The following ATP6V0A1 variants were observed in gnomAD, a reference collection of about 807,000 sequenced individuals.
ATP6V0A1 encodes the protein ATPase H+ transporting V0 subunit a1, also known as V-type proton ATPase 116 kDa subunit a 1.
A neutral mutation model predicts 105.4 loss-of-function variants in ATP6V0A1; 43 were observed. The observed-to-expected ratio is 0.41, with a 90% CI of 0.32 to 0.53. The LOEUF (loss-of-function observed/expected upper bound fraction) is 0.53. Among genes scored for constraint, ATP6V0A1 ranks in the 20% least tolerant of loss-of-function variants. ATP6V0A1 has a pLI of 0.30. For missense variants in ATP6V0A1, 676 were observed against 1,051.1 expected, an observed-to-expected ratio of 0.64 and a Z score of 4.93; for synonymous variants, 362 against 372.8, an observed-to-expected ratio of 0.97 and a Z score of 0.33.
chr17:42,505,585 G>A (rs556253067), intron 17 of ATP6V0A1, among the ~76,000 whole-genome samples: 3 of 152,002 alleles, frequency 2.0e-5, no homozygotes, highest in South Asian at 2.1e-4. Flanking sequence ...TGATCTGCCC[G>A]CTGTGGCCTC....
intron 10 of ATP6V0A1, 77 bp from the exon 11 acceptor site, chr17:42,490,410 A>T: frequency 7.5e-7 from 1 of 1,328,000 alleles, no homozygotes; most frequent in Non-Finnish European, 1.0e-6. Flanking sequence ...ATGAGTTTCA[A>T]GAAATGTACA....
rs760921231 is a variant in ATP6V0A1, at chr17:42,487,236, C to T, written c.892C>T (p.Arg298Trp). 7 of 1,614,162 alleles carry T rather than the reference C, an allele frequency of 4.3e-6. No individual in the cohort carries two copies. Among genetic ancestry groups the T allele is most frequent in the East Asian group, 2.2e-5 (1 of 44,890 alleles). ...CATCCGTGTCTGGTTCATCAAAGTGCGGAAGATGAAGGCCATCTATCACAC... is the reference window on the plus strand; with the variant it reads ...CATCCGTGTCTGGTTCATCAAAGTGTGGAAGATGAAGGCCATCTATCACAC... ...KNIRVWFIKV[R>W]KMKAIYHTLN... The change falls in exon 10 of 22, where the codon CGG (arginine) becomes TGG (tryptophan). Residue 298 changes from arginine (R) to tryptophan (W), a missense_variant. Around this residue, in one of 3 missense-constraint regions of ATP6V0A1, gnomAD observed 239 missense variants for 388.4 expected, o/e 0.62. Coordinates refer to ENST00000343619, the MANE Select transcript of ATP6V0A1 (RefSeq NM_001130021.3).
intron 19 of ATP6V0A1, chr17:42,510,750 C>A (rs1029159028): frequency 4.6e-5 from 7 of 152,202 alleles, no homozygotes; most frequent in African/African-American, 1.7e-4. Flanking sequence ...CATTGAAATA[C>A]CCCCAGTGGC....
chr17:42,477,868 T>A (rs1357905687), intron 6 of ATP6V0A1, 126 bp downstream of exon 6: 2 of 743,932 alleles, frequency 2.7e-6, no homozygotes, highest in Non-Finnish European at 4.3e-6. Flanking sequence ...ATTGAGATAG[T>A]CCTACAACTC....
intron 13 of ATP6V0A1, 117 bp downstream of exon 13, chr17:42,495,305 C>T (rs2091048825): frequency 9.4e-7 from 1 of 1,062,272 alleles, no homozygotes; most frequent in Non-Finnish European, 1.4e-6. Flanking sequence ...TCTCCTCATT[C>T]ATGCTCCACA....
At chr17:42,466,572 T>G in intron 3 of ATP6V0A1, 65 bp downstream of exon 3, 1 of 1,375,000 alleles carries the variant, frequency 7.3e-7, no homozygotes, top group Middle Eastern at 1.8e-4. Context: ...TTAGTGACAT[T>G]AGTCCTCTTA....
At chr17:42,471,934 G>A (rs2088013641) in intron 5 of ATP6V0A1, among the ~76,000 whole-genome samples, 1 of 152,048 alleles carries the variant, frequency 6.6e-6, no homozygotes, top group Non-Finnish European at 1.5e-5. Flanking sequence ...CCACCAGATT[G>A]ACAATATTAG....
intron 19 of ATP6V0A1, 148 bp from the exon 20 acceptor site, chr17:42,513,707 GTGCTTC>G (rs2092464214): frequency 2.8e-6 from 2 of 710,138 alleles, no homozygotes; most frequent in Non-Finnish European, 4.8e-6. Context: ...TCAACACTGG[GTGCTTC>G]TGGCCCCTCC....
rs547975363 is a variant in ATP6V0A1 at position 42,486,492 on chromosome 17, A to G, written c.811-663A>G. 1.7e-4 allele frequency among the ~76,000 whole-genome samples: 26 copies of G among 152,286 alleles called. No homozygotes were observed. In the South Asian group the frequency reaches 5.0e-3, roughly 29 times the overall value. ...ACCTTCCTCCCACCTTAGTCTTGGC[A>G]CTGTAATTCCTCTGAGGGAAATCTG... On this transcript the variant is annotated intron_variant, in intron 9 of 21. Transcript: ENST00000343619.
intron 19 of ATP6V0A1, chr17:42,511,572 G>C (rs967990157): frequency 6.6e-6 from 1 of 152,412 alleles, no homozygotes; most frequent in Admixed American, 6.5e-5. Context: ...TGTCCAGAGA[G>C]GTAGGAGGAA....
rs1251026328 is a variant in ATP6V0A1 at position 42,467,937 on chromosome 17, A to G, written c.197-73A>G. The G allele has an allele frequency of 3.6e-5, 35 of 983,214 alleles. No individual in the cohort carries two copies. In the East Asian group the frequency reaches 8.4e-4, roughly 24 times the overall value. The allele number at this position is 983,214 out of a possible 1,614,324, so 60.9% of individuals were successfully genotyped here. On this transcript the variant is annotated intron_variant, in intron 3 of 21. Transcript: ENST00000343619. The stretch of plus-strand genomic sequence containing the variant: ...TTTTGTAACCAGGTCTTAGATGTTA[A>G]TTCTTTTCCTTAAATAATGGCAATT...
At chr17:42,508,863 G>C (rs1385986921) in intron 19 of ATP6V0A1, among the ~76,000 whole-genome samples, 1 of 152,208 alleles carries the variant, frequency 6.6e-6, no homozygotes, top group African/African-American at 2.4e-5. Flanking sequence ...TACAAGTAAT[G>C]TCTTCACTGG....
chr17:42,459,270 C>T (rs2301647), intron 1 of ATP6V0A1: 53,330 of 152,134 alleles, frequency 0.35, 10,183 homozygotes, highest in East Asian at 0.57. Flanking sequence ...GTTTTCCTCT[C>T]CTTTTTTCCC....
intron 1 of ATP6V0A1, among the ~76,000 whole-genome samples, chr17:42,459,338 A>G (rs1308979559): frequency 2.0e-5 from 3 of 152,230 alleles, no homozygotes; most frequent in Admixed American, 6.5e-5. Context: ...TAGACAGGAA[A>G]TGAAGCAGGT....
intron 5 of ATP6V0A1, among the ~76,000 whole-genome samples, chr17:42,472,217 C>T (rs2145748263): frequency 1.3e-5 from 2 of 151,752 alleles, no homozygotes; most frequent in South Asian, 4.2e-4. Flanking sequence ...CCACCCCCAG[C>T]TAATTTTTGT....
chr17:42,490,281 CTTTTCCCAG>C (rs1323524076), intron 10 of ATP6V0A1, among the ~76,000 whole-genome samples, 197 bp from the exon 11 acceptor site: 2 of 152,016 alleles, frequency 1.3e-5, no homozygotes. Flanking sequence ...AATGTTATAC[CTTTTCCCAG>C]TTTTCCCAAA....
chr17:42,514,985 C>T (rs1261152231), intron 21 of ATP6V0A1, among the ~76,000 whole-genome samples: 1 of 152,010 alleles, frequency 6.6e-6, no homozygotes, highest in Non-Finnish European at 1.5e-5. Context: ...GGGTGGAGGT[C>T]GGTACACTCA....
At chr17:42,495,574 T>A in intron 13 of ATP6V0A1, 52 bp from the exon 14 acceptor site, 1 of 1,430,434 alleles carries the variant, frequency 7.0e-7, no homozygotes, top group Non-Finnish European at 9.8e-7. Flanking sequence ...TGGACCCTTG[T>A]TGTTTCCCTC....
At chr17:42,506,238 G>C (rs2092017262) in intron 17 of ATP6V0A1, among the ~76,000 whole-genome samples, 1 of 152,196 alleles carries the variant, frequency 6.6e-6, no homozygotes, top group Non-Finnish European at 1.5e-5. Context: ...TTAAAATACA[G>C]ATTTATTGGG....
Sources: allele counts gnomAD v4.1 joint callset (sites outside exome capture counted in the v4.1 genomes callset), GRCh38; gene constraint gnomAD v4.1.1; regional missense constraint gnomAD v4.1.1; transcripts MANE v1.5; gene names NCBI Gene and HGNC (gene_info 2026-07-23, HGNC 2026-07-21).